The following NAALADL2 variants were observed in gnomAD, a reference collection of about 807,000 sequenced individuals.
The protein encoded by NAALADL2 is N-acetylated alpha-linked acidic dipeptidase like 2.
NAALADL2 carries 76 observed loss-of-function variants against 87.2 expected under a neutral mutation model. The observed-to-expected ratio is 0.87, with a 90% confidence interval of 0.72 to 1.05. The LOEUF (loss-of-function observed/expected upper bound fraction) is 1.05. NAALADL2 is among the 50% of genes least tolerant of loss of function. NAALADL2 has a pLI of 0.00. For missense variants in NAALADL2, 1,089 were observed against 945.8 expected (o/e 1.15, Z -1.99); for synonymous variants, 354 against 331.0 (o/e 1.07, Z -0.75).
At position 175,344,323 on chromosome 3, in the gene NAALADL2, G is replaced by T. The variant is rs183324381; in HGVS notation, c.1090+19998G>T. Among the ~76,000 whole-genome samples, 858 of 152,062 alleles carry T rather than the reference G, an allele frequency of 5.6e-3. 2 individuals are homozygous for T. The highest frequency in any genetic ancestry group is 9.5e-3 in the Non-Finnish European group (648 of 67,986). ...AATTCAGTAGTGCAAAGGACAGGAAGTCATGCTCTGGTTTTCTACTTTTAC... is the reference window on the plus strand; with the variant it reads ...AATTCAGTAGTGCAAAGGACAGGAATTCATGCTCTGGTTTTCTACTTTTAC... On this transcript the variant is annotated intron_variant, in intron 5 of 13. Transcript: ENST00000454872.
intron 13 of NAALADL2, chr3:175,773,533 A>C (rs1369494943): frequency 6.6e-6 from 1 of 152,110 alleles, no homozygotes; most frequent in Non-Finnish European, 1.5e-5. Flanking sequence ...ATTTGATTGC[A>C]GTGTTCAGGA....
intron 2 of NAALADL2, chr3:174,551,309 T>C (rs576824344): frequency 1.3e-5 from 2 of 152,306 alleles, no homozygotes; most frequent in South Asian, 4.1e-4. Context: ...AGGCATCCCC[T>C]GTAAAAACAT....
intron 2 of NAALADL2, among the ~76,000 whole-genome samples, chr3:174,625,799 A>C (rs1157066489): frequency 6.6e-6 from 1 of 152,040 alleles, no homozygotes; most frequent in Non-Finnish European, 1.5e-5. Flanking sequence ...GAAGTGATGC[A>C]GAACTATATA....
intron 1 of NAALADL2, among the ~76,000 whole-genome samples, chr3:174,984,434 A>G (rs993887057): frequency 7.9e-5 from 12 of 151,898 alleles, no homozygotes; most frequent in African/African-American, 2.9e-4. Context: ...TTTTTTCAAC[A>G]CTACGCAGTA....
At position 175,601,276 on chromosome 3, in the gene NAALADL2, T is replaced by A. The variant is rs147572926; in HGVS notation, c.1800+25089T>A. On this transcript the variant is annotated intron_variant, in intron 10 of 13. Transcript: ENST00000454872. ...ATGGAAATAATTAATAACACCATAT[T>A]AATATCAACATATTGTATGTGTATG... 6.6e-3 allele frequency among the ~76,000 whole-genome samples: 999 copies of A among 152,314 alleles called. 12 individuals are homozygous for A. Among genetic ancestry groups the A allele is most frequent in the African/African-American group, 0.023 (957 of 41,574 alleles).
intron 2 of NAALADL2, among the ~76,000 whole-genome samples, chr3:175,178,092 T>C (rs1021072743): frequency 6.6e-6 from 1 of 152,086 alleles, no homozygotes; most frequent in Non-Finnish European, 1.5e-5. Flanking sequence ...AGACAAGTCA[T>C]TTAACCATTC....
intron 11 of NAALADL2, among the ~76,000 whole-genome samples, chr3:175,697,833 GTATTTATGTATACATATATATGTGTATA>G (rs1460259519): frequency 9.4e-4 from 84 of 89,096 alleles, no homozygotes; most frequent in African/African-American, 2.5e-3. Flanking sequence ...ATATATATGT[GTATTTATGTATACATATATATGTGTATA>G]TATGTATGTA....
At chr3:174,717,990 G>C (rs183005835) in intron 2 of NAALADL2, among the ~76,000 whole-genome samples, 1 of 152,112 alleles carries the variant, frequency 6.6e-6, no homozygotes, top group South Asian at 2.1e-4. Flanking sequence ...CTTGTCGGGC[G>C]TGTTGGGAGG....
At chr3:175,776,513 A>C (rs983182782) in intron 13 of NAALADL2, among the ~76,000 whole-genome samples, 4 of 152,094 alleles carry the variant, frequency 2.6e-5, no homozygotes, top group African/African-American at 9.7e-5. Flanking sequence ...ATTCTTAGTA[A>C]AGTGAATACA....
At chr3:175,278,618 T>C (rs1404570675) in intron 4 of NAALADL2, among the ~76,000 whole-genome samples, 1 of 152,186 alleles carries the variant, frequency 6.6e-6, no homozygotes, top group East Asian at 1.9e-4. Flanking sequence ...AGTTCTTTTC[T>C]GGTGAGAAAG....
intron 2 of NAALADL2, among the ~76,000 whole-genome samples, chr3:175,130,531 A>G (rs1207406296): frequency 6.6e-6 from 1 of 152,200 alleles, no homozygotes; most frequent in Non-Finnish European, 1.5e-5. Flanking sequence ...GTGGTGTAAG[A>G]CAAGGGTCCA....
intron 1 of NAALADL2, among the ~76,000 whole-genome samples, chr3:175,002,028 A>C (rs189245181): frequency 6.6e-6 from 1 of 152,318 alleles, no homozygotes; most frequent in African/African-American, 2.4e-5. Flanking sequence ...AATAGGTAAT[A>C]AAATGGCATG....
chr3:175,371,289 C>G (rs1393658332), intron 5 of NAALADL2, among the ~76,000 whole-genome samples: 1 of 151,786 alleles, frequency 6.6e-6, no homozygotes, highest in Non-Finnish European at 1.5e-5. Flanking sequence ...TTTTTTGAGA[C>G]GGAGTACTCG....
At chr3:175,520,697 A>T (rs2149417908) in intron 9 of NAALADL2, among the ~76,000 whole-genome samples, 1 of 152,318 alleles carries the variant, frequency 6.6e-6, no homozygotes, top group Admixed American at 6.5e-5. Context: ...GAAGTAACTG[A>T]TCTGTCAAGC....
chr3:174,776,483 A>C (rs146065168), intron 3 of NAALADL2, among the ~76,000 whole-genome samples: 3 of 152,112 alleles, frequency 2.0e-5, no homozygotes, highest in Non-Finnish European at 4.4e-5. Context: ...ATTGAGCCAT[A>C]TACTCTATCG....
intron 2 of NAALADL2, among the ~76,000 whole-genome samples, chr3:175,114,468 A>G (rs894154021): frequency 1.1e-4 from 17 of 151,670 alleles, no homozygotes; most frequent in Admixed American, 2.6e-4. Flanking sequence ...AAGTAACCCT[A>G]TTATATCTTT....
chr3:175,017,671 C>T (rs1751028943), intron 1 of NAALADL2, among the ~76,000 whole-genome samples: 1 of 152,112 alleles, frequency 6.6e-6, no homozygotes, highest in South Asian at 2.1e-4. Flanking sequence ...ATATGCCAGT[C>T]TCTTCCCAGA....
At chr3:175,350,610 T>G (rs985234187) in intron 5 of NAALADL2, among the ~76,000 whole-genome samples, 4 of 152,140 alleles carry the variant, frequency 2.6e-5, no homozygotes, top group African/African-American at 9.7e-5. Context: ...TCTCTTTTTC[T>G]CCTGCTAAAG....
intron 9 of NAALADL2, among the ~76,000 whole-genome samples, chr3:175,476,454 G>A (rs903137546): frequency 6.6e-6 from 1 of 152,146 alleles, no homozygotes; most frequent in African/African-American, 2.4e-5. Flanking sequence ...GGGAAAATAT[G>A]ATTGGTTTAA....
Sources: allele counts gnomAD v4.1 joint callset (sites outside exome capture counted in the v4.1 genomes callset), GRCh38; gene constraint gnomAD v4.1.1; transcripts MANE v1.5; gene names NCBI Gene and HGNC (gene_info 2026-07-23, HGNC 2026-07-21).